Variants in PCDHGA5 observed in about 807,000 individuals in gnomAD.
PCDHGA5 encodes the protein protocadherin gamma-A5.
In PCDHGA5, 36 loss-of-function variants were observed where a neutral mutation model predicts 56.7. The observed-to-expected ratio is 0.64, with a 90% CI of 0.49 to 0.84. PCDHGA5 has a LOEUF of 0.84. Among genes scored for constraint, PCDHGA5 ranks in the 40% least tolerant of loss-of-function variants. PCDHGA5 has a pLI of 0.00. For missense variants in PCDHGA5, 1,305 were observed against 1,201.5 expected (o/e 1.09, Z -1.27); for synonymous variants, 563 against 520.2 (o/e 1.08, Z -1.12).
intron 1 of PCDHGA5, chr5:141,440,087 A>C (rs1014881024): frequency 6.6e-6 from 1 of 152,316 alleles, no homozygotes; most frequent in African/African-American, 2.4e-5. Context: ...CTTCATTCTA[A>C]GTGGGGAAAG....
chr5:141,473,004 AAAAG>A (rs1215989598), intron 1 of PCDHGA5, among the ~76,000 whole-genome samples: 5 of 151,730 alleles, frequency 3.3e-5, no homozygotes, highest in Non-Finnish European at 7.4e-5. Context: ...AAAAGAAAGA[AAAAG>A]AAAAAGAAAG....
chr5:141,401,429 G>A lies in PCDHGA5; in HGVS notation c.2421+34678G>A, dbSNP rs1305820458. ...AGAGAAAGAGAGAGACTGATTCACT[G>A]AACTTAGAAGGTCCAAATCATCCAA... On this transcript the variant is annotated intron_variant, in intron 1 of 3. Coordinates refer to ENST00000518069, the MANE Select transcript of PCDHGA5 (RefSeq NM_018918.3). Among the ~76,000 whole-genome samples the A allele has an allele frequency of 2.6e-5, 4 of 152,182 alleles. No homozygotes were observed. In the East Asian group the frequency reaches 7.7e-4, roughly 29 times the overall value.
rs201968743 is a variant in PCDHGA5, at chr5:141,490,095, A to G, written c.2422-4712A>G. On this transcript the variant is annotated intron_variant, in intron 1 of 3. Coordinates refer to ENST00000518069, the MANE Select transcript of PCDHGA5 (RefSeq NM_018918.3). The surrounding 1 kb of genome is among the most constrained non-coding windows in gnomAD (Gnocchi z 5.4). ...TAGACTATTCTTTTGGAGACCACAC[A>G]TCTGAGGCAGTGCGGAACCTCTTTG... 2.4e-4 allele frequency: 394 copies of G among 1,614,156 alleles called. No individual in the cohort carries two copies. The highest frequency in any genetic ancestry group is 3.1e-4 in the Non-Finnish European group (363 of 1,180,054).
At position 141,476,716 on chromosome 5, in the gene PCDHGA5, C is replaced by G; in HGVS notation, c.2422-18091C>G. The G allele has an allele frequency of 6.2e-7, 1 of 1,614,148 alleles. No individual in the cohort carries two copies. On this transcript the variant is annotated intron_variant, in intron 1 of 3. Transcript: ENST00000518069. The surrounding 1 kb of genome is among the most constrained non-coding windows in gnomAD (Gnocchi z 7.6). The stretch of plus-strand genomic sequence containing the variant: ...AGTACGCGGAGCTGGTGTTGGAGCG[C>G]GCCCTGGACCGAGAACGGGAGCCTA...
chr5:141,421,397 C>T, intron 1 of PCDHGA5: 1 of 1,614,030 alleles, frequency 6.2e-7, no homozygotes, highest in Non-Finnish European at 8.5e-7. Context: ...GGGCTGGAGC[C>T]CCGGGAGCTG....
chr5:141,371,310 G>A, intron 1 of PCDHGA5: 2 of 1,613,992 alleles, frequency 1.2e-6, no homozygotes, highest in Non-Finnish European at 1.7e-6. Flanking sequence ...CACTATTGGA[G>A]AACTGGACTT....
At chr5:141,416,711 C>G (rs962144454) in intron 1 of PCDHGA5, 1 of 152,152 alleles carries the variant, frequency 6.6e-6, no homozygotes, top group South Asian at 2.1e-4. Context: ...ATTGGAGGTA[C>G]TGATGAGTTC....
rs926814527 is a variant in PCDHGA5 at position 141,388,113 on chromosome 5, G to A, written c.2421+21362G>A. 7 of 1,412,244 alleles carry A rather than the reference G, an allele frequency of 5.0e-6. No individual in the cohort carries two copies. Among genetic ancestry groups the A allele is most frequent in the African/African-American group, 4.3e-5 (3 of 69,434 alleles). 87.5% of individuals were successfully genotyped at this position (1,412,244 alleles called of 1,614,324 possible). On this transcript the variant is annotated intron_variant, in intron 1 of 3. Transcript: ENST00000518069. ...CAGTTCGGAGAAGCCTTACTTCACCGTGAGCGCAGAGAGCGGGGAGTTGCT... is the reference window on the plus strand; with the variant it reads ...CAGTTCGGAGAAGCCTTACTTCACCATGAGCGCAGAGAGCGGGGAGTTGCT...
At chr5:141,373,472 A>G (rs1012142467) in intron 1 of PCDHGA5, among the ~76,000 whole-genome samples, 1 of 152,230 alleles carries the variant, frequency 6.6e-6, no homozygotes, top group African/African-American at 2.4e-5. Context: ...GCAATGAGCT[A>G]TAATTGTGCC....
intron 1 of PCDHGA5, among the ~76,000 whole-genome samples, chr5:141,457,594 TA>T (rs1239366532): frequency 6.6e-6 from 1 of 152,250 alleles, no homozygotes; most frequent in Non-Finnish European, 1.5e-5. Flanking sequence ...TCATTTTTGG[TA>T]AAAACTAATT....
Position 141,394,244 on chromosome 5 carries a change from C to G in PCDHGA5, c.2421+27493C>G, listed in dbSNP as rs371631729. Reference sequence around the variant, plus strand: ...CCTCCATCTTTTCCTTGACTGCACACGACCCCGACAGCCAGGAGAATGCCC... The same window carrying G: ...CCTCCATCTTTTCCTTGACTGCACAGGACCCCGACAGCCAGGAGAATGCCC... On this transcript the variant is annotated intron_variant, in intron 1 of 3. Coordinates refer to ENST00000518069, the MANE Select transcript of PCDHGA5 (RefSeq NM_018918.3). The G allele has an allele frequency of 1.2e-5, 19 of 1,613,820 alleles. No homozygotes were observed. Among genetic ancestry groups the G allele is most frequent in the Middle Eastern group, 1.6e-4 (1 of 6,084 alleles).
At chr5:141,415,574 A>G (rs1168111069) in intron 1 of PCDHGA5, 3 of 1,614,066 alleles carry the variant, frequency 1.9e-6, no homozygotes, top group Non-Finnish European at 8.5e-7. Flanking sequence ...TTGTTAGATG[A>G]TTCGAAGTTT....
chr5:141,402,942 G>A, intron 1 of PCDHGA5: 1 of 1,591,382 alleles, frequency 6.3e-7, no homozygotes, highest in Non-Finnish European at 8.6e-7. Flanking sequence ...AAATTCCAAA[G>A]CGAGGCAGCA....
intron 1 of PCDHGA5, chr5:141,383,110 A>G (rs754398892): frequency 1.9e-6 from 3 of 1,614,020 alleles, no homozygotes; most frequent in South Asian, 1.1e-5. Flanking sequence ...CTCCAGAGGT[A>G]GGACGCAGCT....
chr5:141,446,423 T>C (rs745968692), intron 1 of PCDHGA5, among the ~76,000 whole-genome samples: 1 of 152,152 alleles, frequency 6.6e-6, no homozygotes, highest in Non-Finnish European at 1.5e-5. Context: ...CATGTTCATT[T>C]GAAGGATCTG....
At chr5:141,499,620 G>A (rs557854340) in intron 2 of PCDHGA5, among the ~76,000 whole-genome samples, 1 of 150,986 alleles carries the variant, frequency 6.6e-6, no homozygotes, top group Non-Finnish European at 1.5e-5. Context: ...TCCTGTCCTT[G>A]GATTCTTTTG....
intron 1 of PCDHGA5, chr5:141,371,334 A>G (rs1767674983): frequency 3.1e-6 from 5 of 1,613,888 alleles, no homozygotes; most frequent in Non-Finnish European, 4.2e-6. Context: ...AGAGAGAGAT[A>G]GCTACACAAT....
chr5:141,447,823 C>T lies in PCDHGA5; in HGVS notation c.2422-46984C>T, dbSNP rs192381755. ...AAAATTGGCTGGGCGTGGTGGCTCA[C>T]GCCTGTAATCCCAGTGCTTTGGGAG... On this transcript the variant is annotated intron_variant, in intron 1 of 3. Coordinates refer to ENST00000518069, the MANE Select transcript of PCDHGA5 (RefSeq NM_018918.3). Among the ~76,000 whole-genome samples, 677 of 152,272 alleles carry T rather than the reference C, an allele frequency of 4.4e-3. 5 individuals are homozygous for T. Among genetic ancestry groups the T allele is most frequent in the African/African-American group, 0.015 (635 of 41,548 alleles).
intron 1 of PCDHGA5, chr5:141,423,750 TGGG>T: frequency 4.5e-5 from 13 of 287,436 alleles, no homozygotes; most frequent in South Asian, 1.7e-4. Flanking sequence ...GAAAACTGTT[TGGG>T]GGGGGGGTGG....
Sources: allele counts gnomAD v4.1 joint callset (sites outside exome capture counted in the v4.1 genomes callset), GRCh38; gene constraint gnomAD v4.1.1; non-coding constraint Gnocchi (gnomAD v3.1); transcripts MANE v1.5; gene names NCBI Gene and HGNC (gene_info 2026-07-23, HGNC 2026-07-21).